Variants in PSD3 observed in about 807,000 individuals in gnomAD.
The protein encoded by PSD3 is pleckstrin and Sec7 domain containing 3.
PSD3 carries 49 observed loss-of-function variants against 105.5 expected under a neutral mutation model. The ratio of observed to expected loss-of-function variants is 0.46; its 90% confidence interval spans 0.37 to 0.59. The LOEUF is 0.59. Ranked by LOEUF, PSD3 falls within the 20% of genes least tolerant of loss-of-function variation. PSD3 has a pLI of 0.00. For synonymous variants in PSD3, 557 were observed against 457.8 expected, an observed-to-expected ratio of 1.22 and a Z score of -2.77; for missense variants, 1,561 against 1,263.8, an observed-to-expected ratio of 1.24 and a Z score of -3.57.
chr8:18,726,567 A>G (rs1803347535), intron 9 of PSD3, among the ~76,000 whole-genome samples: 1 of 152,182 alleles, frequency 6.6e-6, no homozygotes, highest in African/African-American at 2.4e-5. Context: ...ATCCATTCCC[A>G]TGACTTTAAT....
chr8:18,963,579 T>C (rs994335131), intron 1 of PSD3, among the ~76,000 whole-genome samples: 4 of 152,218 alleles, frequency 2.6e-5, no homozygotes, highest in Middle Eastern at 3.2e-3. Flanking sequence ...CACCACAGTG[T>C]TTAAAAATTA....
At chr8:18,903,488 G>A (rs1819645474) in intron 2 of PSD3, among the ~76,000 whole-genome samples, 1 of 152,144 alleles carries the variant, frequency 6.6e-6, no homozygotes, top group Non-Finnish European at 1.5e-5. Flanking sequence ...AAGAACAGAT[G>A]TGTCCCAACA....
intron 10 of PSD3, among the ~76,000 whole-genome samples, chr8:18,637,909 G>A (rs1374325329): frequency 6.6e-6 from 1 of 152,096 alleles, no homozygotes; most frequent in Admixed American, 6.5e-5. Context: ...TGTAATCCCA[G>A]CACATTGGGA....
chr8:18,844,709 G>A (rs1425892618), intron 4 of PSD3, among the ~76,000 whole-genome samples: 1 of 152,146 alleles, frequency 6.6e-6, no homozygotes, highest in African/African-American at 2.4e-5. Flanking sequence ...AAGATTATTA[G>A]AAAAGTTAGT....
chr8:18,765,549 G>C lies in PSD3; in HGVS notation c.2083-11C>G. 3 of 1,557,862 alleles carry C rather than the reference G, an allele frequency of 1.9e-6. No individual in the cohort carries two copies. The highest frequency in any genetic ancestry group is 2.7e-6 in the Non-Finnish European group (3 of 1,129,058). On this transcript the variant is annotated splice_polypyrimidine_tract_variant and intron_variant, in intron 8 of 15. Transcript: ENST00000327040. ...CTTCTTTCCAATATTCTGAAACAGA[G>C]GCAAACAGTACATCACTATGACATT...
intron 4 of PSD3, chr8:18,808,838 A>T (rs770305744): frequency 1.2e-6 from 2 of 1,607,734 alleles, no homozygotes; most frequent in South Asian, 2.2e-5. Context: ...AGCCCCGTCC[A>T]GTATTCTTCA....
intron 1 of PSD3, among the ~76,000 whole-genome samples, chr8:19,058,942 G>T (rs182188442): frequency 6.0e-4 from 91 of 152,236 alleles, no homozygotes; most frequent in Admixed American, 2.3e-3. Flanking sequence ...CCCATAGCTG[G>T]CCCTCGCGTT....
chr8:18,847,514 G>A (rs936154941), intron 4 of PSD3, among the ~76,000 whole-genome samples: 1 of 152,104 alleles, frequency 6.6e-6, no homozygotes, highest in Admixed American at 6.5e-5. Context: ...TATCCTCGTT[G>A]TTTTCAATTT....
intron 12 of PSD3, among the ~76,000 whole-genome samples, chr8:18,588,247 A>G (rs1325789772): frequency 1.3e-5 from 2 of 152,142 alleles, no homozygotes; most frequent in East Asian, 3.9e-4. Flanking sequence ...AGTTTTACAG[A>G]TTAAGAAGAA....
At chr8:19,012,883 A>G (rs1563509089) in intron 1 of PSD3, among the ~76,000 whole-genome samples, 1 of 152,202 alleles carries the variant, frequency 6.6e-6, no homozygotes, top group Non-Finnish European at 1.5e-5. Flanking sequence ...CGTGGTGCCC[A>G]TTCCATCCTC....
chr8:18,620,705 G>C (rs530286698), intron 11 of PSD3, among the ~76,000 whole-genome samples: 1 of 152,110 alleles, frequency 6.6e-6, no homozygotes, highest in African/African-American at 2.4e-5. Context: ...GCAAGGACCT[G>C]TCTCAACAAA....
chr8:18,555,119 A>G (rs13282937), intron 15 of PSD3, among the ~76,000 whole-genome samples: 1 of 152,060 alleles, frequency 6.6e-6, no homozygotes, highest in African/African-American at 2.4e-5. Context: ...GAATGCCGTC[A>G]TCTGGGTTGA....
intron 13 of PSD3, among the ~76,000 whole-genome samples, chr8:18,574,041 C>T (rs1168102193): frequency 6.6e-6 from 1 of 152,014 alleles, no homozygotes. Context: ...TCATTATATC[C>T]AGAAAGCCCA....
intron 1 of PSD3, among the ~76,000 whole-genome samples, chr8:19,070,228 T>C (rs1367989625): frequency 6.6e-6 from 1 of 152,138 alleles, no homozygotes; most frequent in East Asian, 1.9e-4. Context: ...GCATTCGTTT[T>C]TAATGTGATA....
chr8:18,664,321 TAA>T (rs1284158194), intron 9 of PSD3, among the ~76,000 whole-genome samples: 2 of 152,088 alleles, frequency 1.3e-5, no homozygotes, highest in Admixed American at 6.5e-5. Flanking sequence ...ACACAAAATA[TAA>T]GAGAGTGAAA....
chr8:18,706,610 G>A (rs1384747172), intron 9 of PSD3, among the ~76,000 whole-genome samples: 1 of 152,216 alleles, frequency 6.6e-6, no homozygotes, highest in Non-Finnish European at 1.5e-5. Context: ...CTTAGCTAAT[G>A]GGCTTGGATA....
chr8:18,755,055 C>G (rs188918025), intron 9 of PSD3, among the ~76,000 whole-genome samples: 13 of 152,136 alleles, frequency 8.5e-5, no homozygotes, highest in Non-Finnish European at 1.0e-4. Flanking sequence ...CATGATGTGA[C>G]CAGTTACATT....
chr8:18,773,313 T>A (rs13253071), intron 8 of PSD3, among the ~76,000 whole-genome samples: 131 of 152,100 alleles, frequency 8.6e-4, no homozygotes, highest in African/African-American at 3.0e-3. Flanking sequence ...TGTTGAAGAT[T>A]TGAGGATTTG....
At chr8:18,701,176 T>C (rs966431502) in intron 9 of PSD3, among the ~76,000 whole-genome samples, 31 of 151,208 alleles carry the variant, frequency 2.1e-4, no homozygotes, top group African/African-American at 7.5e-4. Flanking sequence ...CTCTATGTTG[T>C]CCAGGTTGGT....
Sources: gnomAD v4.1 joint callset for allele counts (sites outside exome capture counted in the v4.1 genomes callset) on GRCh38, gnomAD v4.1.1 for gene constraint, MANE v1.5 for transcripts, NCBI Gene and HGNC (gene_info 2026-07-23, HGNC 2026-07-21) for gene names.